SMYD2: variants seen among roughly 807,000 people sequenced by gnomAD.
SMYD2 encodes the protein SET and MYND domain containing 2.
SMYD2 carries 53 observed loss-of-function variants against 59.1 expected under a neutral mutation model. The observed-to-expected ratio is 0.90, with a 90% CI of 0.72 to 1.13. The LOEUF (loss-of-function observed/expected upper bound fraction) is 1.13, where lower values mean the gene tolerates loss of function less well. Ranked by LOEUF, SMYD2 falls within the 50% of genes most tolerant of loss-of-function variation. The pLI is 0.00. For missense variants in SMYD2, 494 were observed against 544.7 expected, an observed-to-expected ratio of 0.91 and a Z score of 0.93; for synonymous variants, 208 against 198.8, an observed-to-expected ratio of 1.05 and a Z score of -0.39.
chr1:214,299,159 C>T (rs1656780049), intron 1 of SMYD2, among the ~76,000 whole-genome samples: 1 of 151,904 alleles, frequency 6.6e-6, no homozygotes, highest in South Asian at 2.1e-4. Context: ...GACCGTGTCT[C>T]CAGAAAAATT....
chr1:214,293,453 A>G (rs1338249305), intron 1 of SMYD2, among the ~76,000 whole-genome samples: 2 of 152,158 alleles, frequency 1.3e-5, no homozygotes, highest in South Asian at 2.1e-4. Context: ...CATTTTTTGA[A>G]CATCCTACTA....
chr1:214,328,629 T>C (rs1048718118), intron 7 of SMYD2, among the ~76,000 whole-genome samples: 5 of 152,218 alleles, frequency 3.3e-5, no homozygotes, highest in African/African-American at 1.2e-4. Context: ...TTACGGTGCA[T>C]GCCTGGGTAT....
intron 1 of SMYD2, among the ~76,000 whole-genome samples, chr1:214,286,481 A>G (rs187215079): frequency 8.0e-4 from 121 of 151,952 alleles, no homozygotes; most frequent in African/African-American, 2.7e-3. Flanking sequence ...AAAAAATAAA[A>G]AAGTGTGGAC....
chr1:214,324,051 C>G (rs1299075482), intron 5 of SMYD2, among the ~76,000 whole-genome samples: 1 of 152,196 alleles, frequency 6.6e-6, no homozygotes, highest in Non-Finnish European at 1.5e-5. Flanking sequence ...CCTCAGCCTC[C>G]CAAGTAGCTG....
chr1:214,281,327 C>A lies in SMYD2; in HGVS notation c.73C>A (p.Gln25Lys). 7.0e-7 allele frequency: 1 copy of A among 1,433,248 alleles called. No individual in the cohort carries two copies. Among genetic ancestry groups the A allele is most frequent in the Non-Finnish European group, 9.2e-7 (1 of 1,084,564 alleles). 88.8% of individuals were successfully genotyped at this position (1,433,248 alleles called of 1,614,324 possible). A position where few individuals can be genotyped will look rare whatever the true frequency, so the allele number is the denominator to read the frequency against. The part of the protein sequence containing the change: ...PGKGRGLRAL[Q>K]PFQVGDLLFS... ...CAAAGGCCGGGGGCTGCGGGCTCTG[C>A]AGCCCTTCCAGGTGGGGGACTTGCT... Residue 25 changes from glutamine (Q) to lysine (K), a missense_variant, in exon 1 of 12, where the codon CAG (glutamine) becomes AAG (lysine). Physicochemically the swap from Gln to Lys is moderately conservative, Grantham distance 53. Transcript: ENST00000366957.
intron 2 of SMYD2, among the ~76,000 whole-genome samples, chr1:214,313,787 TC>T (rs2102468257): frequency 6.6e-6 from 1 of 152,202 alleles, no homozygotes; most frequent in Non-Finnish European, 1.5e-5. Flanking sequence ...CTCAATGCCT[TC>T]CCCATCTCAA....
rs1656433015 is a variant in SMYD2 at position 214,281,180 on chromosome 1, G to A, written c.-75G>A. The stretch of plus-strand genomic sequence containing the variant: ...TCCCACCCCGCCCCCCGCAGCTCTA[G>A]GTGACGCGTCTCCAATAACAGCTCG... On this transcript the variant is annotated 5_prime_UTR_variant, in exon 1 of 12. Coordinates refer to ENST00000366957, the MANE Select transcript of SMYD2 (RefSeq NM_020197.3). 1.8e-6 allele frequency: 2 copies of A among 1,114,636 alleles called. No homozygotes were observed. Among genetic ancestry groups the A allele is most frequent in the Non-Finnish European group, 2.3e-6 (2 of 887,536 alleles). 69.0% of individuals were successfully genotyped at this position (1,114,636 alleles called of 1,614,324 possible). A position where few individuals can be genotyped will look rare whatever the true frequency, so the allele number is the denominator to read the frequency against.
chr1:214,330,825 C>G, intron 8 of SMYD2, 125 bp from the exon 9 acceptor site: 1 of 1,420,048 alleles, frequency 7.0e-7, no homozygotes, highest in Non-Finnish European at 9.6e-7. Flanking sequence ...TCCTTTCATT[C>G]TTTTGTAACC....
intron 2 of SMYD2, among the ~76,000 whole-genome samples, chr1:214,313,673 G>A (rs1657035583): frequency 6.6e-6 from 1 of 151,716 alleles, no homozygotes; most frequent in African/African-American, 2.4e-5. Context: ...CACATTCTCC[G>A]TCCTCTCACA....
chr1:214,287,843 A>AG, intron 1 of SMYD2, among the ~76,000 whole-genome samples: 1 of 152,216 alleles, frequency 6.6e-6, no homozygotes. Context: ...AAATGGAAGA[A>AG]AACAGAATTT....
In SMYD2 at chr1:214,281,341, G is replaced by A; in HGVS notation, c.87G>A (p.Val29=). 1 of 1,448,228 alleles carries A rather than the reference G, an allele frequency of 6.9e-7. No individual in the cohort carries two copies. The allele number at this position is 1,448,228 out of a possible 1,614,324, so 89.7% of individuals were successfully genotyped here. The part of the protein sequence containing the change: ...RGLRALQPFQ[V]GDLLFSCPAY... ...TGCGGGCTCTGCAGCCCTTCCAGGT[G>A]GGGGACTTGCTGTTCTCCTGCCCGG... is the stretch of plus-strand genomic sequence containing the variant. Residue 29 remains valine, a synonymous_variant, in exon 1 of 12, where the codon GTG becomes GTA. Transcript: ENST00000366957.
intron 2 of SMYD2, among the ~76,000 whole-genome samples, chr1:214,309,504 T>C (rs757660217): frequency 6.6e-6 from 1 of 152,218 alleles, no homozygotes; most frequent in Non-Finnish European, 1.5e-5. Context: ...AGAAAACCTT[T>C]GTGTTTTGCT....
chr1:214,336,853 A>G lies in SMYD2; in HGVS notation c.*69A>G. On this transcript the variant is annotated 3_prime_UTR_variant, in exon 12 of 12. Coordinates refer to ENST00000366957, the MANE Select transcript of SMYD2 (RefSeq NM_020197.3). The stretch of plus-strand genomic sequence containing the variant: ...AACCTTAAAGGATTTGAATATTTCA[A>G]ATTGCACACGTCACTCCAGCATCTC... 1.5e-6 allele frequency: 2 copies of G among 1,344,516 alleles called. No individual in the cohort carries two copies. The highest frequency in any genetic ancestry group is 2.4e-5 in the East Asian group (1 of 42,226). The allele number at this position is 1,344,516 out of a possible 1,614,324, so 83.3% of individuals were successfully genotyped here. A position where few individuals can be genotyped will look rare whatever the true frequency, so the allele number is the denominator to read the frequency against.
At chr1:214,305,091 G>C in intron 1 of SMYD2, 96 bp from the exon 2 acceptor site, 1 of 1,183,812 alleles carries the variant, frequency 8.4e-7, no homozygotes, top group Non-Finnish European at 1.3e-6. Flanking sequence ...CCTTGGCTCT[G>C]CTTTCCAACC....
chr1:214,313,181 C>G (rs1571927733), intron 2 of SMYD2, among the ~76,000 whole-genome samples: 1 of 152,128 alleles, frequency 6.6e-6, no homozygotes, highest in East Asian at 1.9e-4. Flanking sequence ...TAGCGGTGCA[C>G]TCTCGGCTCA....
chr1:214,292,679 C>T (rs1490011276), intron 1 of SMYD2, among the ~76,000 whole-genome samples: 1 of 152,116 alleles, frequency 6.6e-6, no homozygotes, highest in Non-Finnish European at 1.5e-5. Flanking sequence ...GAAATGAATC[C>T]TTGTAAATAC....
At chr1:214,310,548 A>T (rs1320581536) in intron 2 of SMYD2, among the ~76,000 whole-genome samples, 1 of 150,102 alleles carries the variant, frequency 6.7e-6, no homozygotes, top group East Asian at 1.9e-4. Flanking sequence ...GTTTACAGAA[A>T]ATTTTATAAG....
intron 2 of SMYD2, among the ~76,000 whole-genome samples, chr1:214,309,592 G>A (rs1184944308): frequency 6.6e-6 from 1 of 152,160 alleles, no homozygotes; most frequent in Non-Finnish European, 1.5e-5. Context: ...TGAGAAAATA[G>A]TAGGCCCTTA....
chr1:214,299,140 A>G (rs545564578), intron 1 of SMYD2, among the ~76,000 whole-genome samples: 4 of 152,318 alleles, frequency 2.6e-5, no homozygotes, highest in African/African-American at 4.8e-5. Context: ...AACCTGGGCA[A>G]CAGATTGAGA....
Sources: gnomAD v4.1 joint callset for allele counts (sites outside exome capture counted in the v4.1 genomes callset) on GRCh38, gnomAD v4.1.1 for gene constraint, MANE v1.5 for transcripts, NCBI Gene and HGNC (gene_info 2026-07-23, HGNC 2026-07-21) for gene names.